OGDHL: variants seen among roughly 807,000 people sequenced by gnomAD.
OGDHL encodes 2-oxoglutarate dehydrogenase-like, mitochondrial.
OGDHL carries 79 observed loss-of-function variants against 109.6 expected under a neutral mutation model. The ratio of observed to expected loss-of-function variants is 0.72; its 90% CI spans 0.60 to 0.87. The LOEUF (loss-of-function observed/expected upper bound fraction) is 0.87, where lower values mean the gene tolerates loss of function less well. OGDHL is among the 40% of genes least tolerant of loss of function. The pLI, the probability that OGDHL is intolerant of heterozygous loss-of-function variation, is 0.00. For synonymous variants in OGDHL, 528 were observed against 537.2 expected (o/e 0.98, Z 0.24); for missense variants, 1,275 against 1,362.2 (o/e 0.94, Z 1.01).
At chr10:49,752,356 C>T in intron 4 of OGDHL, 108 bp from the exon 5 acceptor site, 1 of 858,934 alleles carries the variant, frequency 1.2e-6, no homozygotes, top group Admixed American at 2.0e-5. Flanking sequence ...CCCCAGTGCC[C>T]TCCCTCTGGG....
intron 11 of OGDHL, 99 bp downstream of exon 11, chr10:49,745,699 C>T (rs1451609470): frequency 2.8e-6 from 4 of 1,442,206 alleles, no homozygotes; most frequent in South Asian, 2.6e-5. Context: ...CCAAGAAGCA[C>T]TCCCAGCCCT....
chr10:49,744,794 G>A (rs1341276923), intron 12 of OGDHL, 42 bp from the exon 13 acceptor site: 7 of 1,540,324 alleles, frequency 4.5e-6, no homozygotes, highest in Non-Finnish European at 5.4e-6. Flanking sequence ...CCAAAGCCCT[G>A]CGCAGCCAGA....
At chr10:49,755,241 C>T (rs1842848077) in intron 3 of OGDHL, among the ~76,000 whole-genome samples, 1 of 151,858 alleles carries the variant, frequency 6.6e-6, no homozygotes, top group Non-Finnish European at 1.5e-5. Flanking sequence ...AAAACTCCAT[C>T]TAAAAAGAAA....
chr10:49,745,515 G>A lies in OGDHL; in HGVS notation c.1477-19C>T, dbSNP rs928664914. On this transcript the variant is annotated intron_variant, in intron 11 of 22. Coordinates refer to ENST00000374103, the MANE Select transcript of OGDHL (RefSeq NM_018245.3). The stretch of plus-strand genomic sequence containing the variant: ...AACAGACCTGCAGGAGCAGCCAGAG[G>A]GGCTCAGGCCCTTCCCTACGCTGTG... The A allele has an allele frequency of 1.9e-6, 3 of 1,613,146 alleles. No individual in the cohort carries two copies. Among genetic ancestry groups the A allele is most frequent in the Non-Finnish European group, 2.5e-6 (3 of 1,179,990 alleles).
chr10:49,748,072 T>C (rs890835083), intron 8 of OGDHL, among the ~76,000 whole-genome samples: 25 of 152,228 alleles, frequency 1.6e-4, no homozygotes, highest in Admixed American at 3.3e-4. Flanking sequence ...ATGGGCTCGC[T>C]GACATCTGCC....
chr10:49,746,652 G>T, intron 10 of OGDHL, 98 bp downstream of exon 10: 3 of 1,489,588 alleles, frequency 2.0e-6, no homozygotes, highest in Admixed American at 3.6e-5. Flanking sequence ...ACAGCAGTGG[G>T]CTCAGAGCCA....
At chr10:49,756,573 A>C (rs1344437490) in intron 3 of OGDHL, 4 of 467,568 alleles carry the variant, frequency 8.6e-6, no homozygotes, top group Non-Finnish European at 1.5e-5. Context: ...CAGTATGCAC[A>C]AAAAAAAATT....
chr10:49,735,901 A>G lies in OGDHL; in HGVS notation c.2909+122T>C, dbSNP rs909898085. The G allele has an allele frequency of 9.0e-6, 10 of 1,107,526 alleles. No individual in the cohort carries two copies. In the African/African-American group the frequency reaches 1.6e-4, roughly 17 times the overall value. The allele number at this position is 1,107,526 out of a possible 1,614,324, so 68.6% of individuals were successfully genotyped here. ...ACAAAGCCAGTACTGATGATGCCCCATCATTGCTCATCACCAGAGAAGGGC... is the reference window on the plus strand; with the variant it reads ...ACAAAGCCAGTACTGATGATGCCCCGTCATTGCTCATCACCAGAGAAGGGC... On this transcript the variant is annotated intron_variant, in intron 22 of 22. Transcript: ENST00000374103.
chr10:49,751,015 G>A lies in OGDHL; in HGVS notation c.750-30C>T, dbSNP rs772362242. The A allele has an allele frequency of 1.2e-5, 19 of 1,563,038 alleles. No homozygotes were observed. In the African/African-American group the frequency reaches 1.6e-4, roughly 13 times the overall value. ...TTGGGGAGAGGATGGGAAGAGGAAA[G>A]GGAAAGGGATGGAGAGGGAGGGGAC... On this transcript the variant is annotated intron_variant, in intron 6 of 22. Transcript: ENST00000374103.
At chr10:49,743,094 G>T in intron 14 of OGDHL, 116 bp from the exon 15 acceptor site, 1 of 1,340,198 alleles carries the variant, frequency 7.5e-7, no homozygotes, top group Non-Finnish European at 1.0e-6. Flanking sequence ...GATTTGGTTG[G>T]AGGGCAGGGA....
At chr10:49,745,302 C>T (rs1213442654) in intron 12 of OGDHL, 42 bp downstream of exon 12, 5 of 1,607,198 alleles carry the variant, frequency 3.1e-6, no homozygotes, top group South Asian at 1.1e-5. Flanking sequence ...AGGGTCCCCA[C>T]CCAAAGTTTG....
In OGDHL at chr10:49,752,259, A is replaced by G. The variant is rs760714762; in HGVS notation, c.479-11T>C. On this transcript the variant is annotated splice_polypyrimidine_tract_variant and intron_variant, in intron 4 of 22. Coordinates refer to ENST00000374103, the MANE Select transcript of OGDHL (RefSeq NM_018245.3). ...GAAGGTCATAGAAGGCTGGAGAAGG[A>G]GGCGTGGCCGAGCCCCGGGCAGCAA... 6.2e-7 allele frequency: 1 copy of G among 1,609,128 alleles called. No individual in the cohort carries two copies. Among genetic ancestry groups the G allele is most frequent in the Non-Finnish European group, 8.5e-7 (1 of 1,176,088 alleles).
At chr10:49,749,015 C>G (rs1051697126) in intron 8 of OGDHL, among the ~76,000 whole-genome samples, 11 of 152,176 alleles carry the variant, frequency 7.2e-5, no homozygotes, top group Non-Finnish European at 1.6e-4. Flanking sequence ...TCAAGACCAG[C>G]CTGACCAACA....
At position 49,750,849 on chromosome 10, in the gene OGDHL, T is replaced by A. The variant is rs150231967; in HGVS notation, c.886A>T (p.Met296Leu). 2.0e-3 allele frequency: 3,291 copies of A among 1,610,362 alleles called. 18 individuals are homozygous for A. The highest frequency in any genetic ancestry group is 3.6e-3 in the South Asian group (324 of 90,098). The change falls in exon 7 of 23, where the codon ATG becomes TTG. Residue 296 changes from methionine (M) to leucine (L), a missense_variant. Physicochemically the swap from Met to Leu is conservative, Grantham distance 15. Transcript: ENST00000374103. ...GGGAGGGGGACCCACCTGTGTGGCATCCCCAAGATGACATTCTCAATCCCC... is the reference window on the plus strand; with the variant it reads ...GGGAGGGGGACCCACCTGTGTGGCAACCCCAAGATGACATTCTCAATCCCC... ...EMGIENVILG[M>L]PHRGRLNVLA...
At chr10:49,756,662 G>T in intron 3 of OGDHL, 114 bp downstream of exon 3, 1 of 1,087,228 alleles carries the variant, frequency 9.2e-7, no homozygotes, top group South Asian at 1.8e-5. Flanking sequence ...TAGAGGACAA[G>T]GAGAAGGGCT....
intron 2 of OGDHL, 64 bp from the exon 3 acceptor site, chr10:49,757,010 G>A: frequency 1.3e-6 from 2 of 1,540,982 alleles, no homozygotes; most frequent in Non-Finnish European, 1.8e-6. Context: ...GGGTGGCCCA[G>A]GCTGGGGCCC....
intron 8 of OGDHL, among the ~76,000 whole-genome samples, chr10:49,748,278 T>G (rs1842338512): frequency 6.6e-6 from 1 of 152,224 alleles, no homozygotes; most frequent in South Asian, 2.1e-4. Context: ...AATGACAACT[T>G]GTTAAGTGAA....
chr10:49,744,557 G>T, intron 13 of OGDHL, 93 bp downstream of exon 13: 1 of 986,290 alleles, frequency 1.0e-6, no homozygotes, highest in South Asian at 1.4e-5. Flanking sequence ...ACTAGGCAAT[G>T]ACAGCTGTCA....
chr10:49,761,084 G>T (rs950405911), intron 1 of OGDHL, among the ~76,000 whole-genome samples: 1 of 152,158 alleles, frequency 6.6e-6, no homozygotes, highest in Admixed American at 6.5e-5. Context: ...CAGGGCATGA[G>T]GGCTCAGTAT....
Sources: gnomAD v4.1 joint callset for allele counts (sites outside exome capture counted in the v4.1 genomes callset) on GRCh38, gnomAD v4.1.1 for gene constraint, MANE v1.5 for transcripts, NCBI Gene and HGNC (gene_info 2026-07-23, HGNC 2026-07-21) for gene names.